Variants in MED12L observed in about 807,000 individuals in gnomAD.
MED12L encodes the protein mediator complex subunit 12L, also known as mediator of RNA polymerase II transcription subunit 12-like protein.
Under a neutral mutation model 281.3 loss-of-function variants are expected in MED12L, and 60 were observed. That is an observed-to-expected ratio of 0.21 (90% CI 0.17 to 0.26). MED12L has a LOEUF of 0.26. Ranked by LOEUF, MED12L falls within the 10% of genes least tolerant of loss-of-function variation. The pLI, the probability that MED12L is intolerant of heterozygous loss-of-function variation, is 1.00. For synonymous variants in MED12L, 974 were observed against 987.2 expected, an observed-to-expected ratio of 0.99 and a Z score of 0.25; for missense variants, 2,146 against 2,680.9, an observed-to-expected ratio of 0.80 and a Z score of 4.41.
In MED12L at chr3:151,368,780, A is replaced by G. The variant is rs576182011; in HGVS notation, c.3550+529A>G. On this transcript the variant is annotated intron_variant, in intron 25 of 44. Coordinates refer to ENST00000687756, the MANE Select transcript of MED12L (RefSeq NM_001393769.1). ...ATTTCATTTTTTTTTTTTTTTTTCC[A>G]AGACAAAGTCTTACTGTGTCACCCA... Among the ~76,000 whole-genome samples the G allele has an allele frequency of 2.4e-4, 33 of 134,884 alleles. No homozygotes were observed. In the East Asian group the frequency reaches 4.6e-3, roughly 19 times the overall value. The allele number at this position is 134,884 out of a possible 152,430, so 88.5% of individuals were successfully genotyped here.
At position 151,371,544 on chromosome 3, in the gene MED12L, TACTC is replaced by T. The variant is rs759221056; in HGVS notation, c.3665-1021_3665-1018del. Among the ~76,000 whole-genome samples the T allele has an allele frequency of 5.5e-4, 83 of 152,240 alleles. 1 individual carries two copies. Among genetic ancestry groups the T allele is most frequent in the Non-Finnish European group, 1.1e-3 (73 of 68,042 alleles). On this transcript the variant is annotated intron_variant, in intron 26 of 44. Transcript: ENST00000687756. ...CTCTGCTTAAGATTTTGTTAGTAAATACTCAGTAAGCCATTTTTTTCAGCAAAGT... is the reference window on the plus strand; with the variant it reads ...CTCTGCTTAAGATTTTGTTAGTAAATAGTAAGCCATTTTTTTCAGCAAAGT...
At chr3:151,204,038 C>A (rs1726021815) in intron 16 of MED12L, among the ~76,000 whole-genome samples, 1 of 152,160 alleles carries the variant, frequency 6.6e-6, no homozygotes. Flanking sequence ...GCAGAACTAA[C>A]TGAATGTTTG....
intron 16 of MED12L, among the ~76,000 whole-genome samples, chr3:151,317,304 T>C (rs1015464760): frequency 3.9e-5 from 6 of 152,018 alleles, no homozygotes; most frequent in African/African-American, 7.2e-5. Context: ...CAATGATAAG[T>C]ATTCAAAATA....
intron 19 of MED12L, 106 bp from the exon 20 acceptor site, chr3:151,357,107 G>A (rs1444871044): frequency 1.1e-6 from 1 of 934,384 alleles, no homozygotes; most frequent in African/African-American, 1.7e-5. Flanking sequence ...TTTAGGGAAT[G>A]TATTTGTAGT....
chr3:151,283,594 G>T (rs1429975109), intron 16 of MED12L, among the ~76,000 whole-genome samples: 2 of 152,142 alleles, frequency 1.3e-5, no homozygotes, highest in East Asian at 3.9e-4. Context: ...CTTCTGATGT[G>T]GCCTGTGTTT....
intron 2 of MED12L, among the ~76,000 whole-genome samples, chr3:151,090,201 C>A (rs549834360): frequency 1.4e-4 from 21 of 152,200 alleles, no homozygotes; most frequent in Admixed American, 1.1e-3. Context: ...GCCCCTTATT[C>A]TCCCTATACT....
chr3:151,141,244 G>A (rs1293221047), intron 5 of MED12L, among the ~76,000 whole-genome samples: 1 of 144,386 alleles, frequency 6.9e-6, no homozygotes, highest in Non-Finnish European at 1.5e-5. Flanking sequence ...GGCTGGTCTC[G>A]AAATCCTGAC....
At chr3:151,308,391 A>G (rs1432957288) in intron 16 of MED12L, among the ~76,000 whole-genome samples, 1 of 152,132 alleles carries the variant, frequency 6.6e-6, no homozygotes, top group Non-Finnish European at 1.5e-5. Flanking sequence ...TAAGCAAAGT[A>G]TAAATTCCAT....
intron 2 of MED12L, among the ~76,000 whole-genome samples, chr3:151,108,655 T>C (rs1265829135): frequency 2.6e-5 from 4 of 152,210 alleles, no homozygotes; most frequent in Non-Finnish European, 5.9e-5. Flanking sequence ...TTCTCATCCC[T>C]GGTGGACATT....
Position 151,165,912 on chromosome 3 carries a change from A to C in MED12L, c.1424A>C (p.Asp475Ala). 6.2e-7 allele frequency: 1 copy of C among 1,614,028 alleles called. No individual in the cohort carries two copies. Among genetic ancestry groups the C allele is most frequent in the Non-Finnish European group, 8.5e-7 (1 of 1,179,892 alleles). Reference protein sequence around the residue: ...VLDRHCFDRTDSSNSMETLYH... With the variant: ...VLDRHCFDRTASSNSMETLYH... Reference sequence around the variant, plus strand: ...GATCGTCACTGTTTTGACCGAACTGATTCCAGCAATTCCATGGAGACACTT... The same window carrying C: ...GATCGTCACTGTTTTGACCGAACTGCTTCCAGCAATTCCATGGAGACACTT... Residue 475 changes from aspartate to alanine, a missense_variant, in exon 11 of 45, where the codon GAT becomes GCT. Around this residue, in one of 9 missense-constraint regions of MED12L, gnomAD observed 722 missense variants for 861.2 expected, o/e 0.84. Coordinates refer to ENST00000687756, the MANE Select transcript of MED12L (RefSeq NM_001393769.1).
chr3:151,294,360 T>C, intron 16 of MED12L: 5 of 1,614,082 alleles, frequency 3.1e-6, no homozygotes, highest in Non-Finnish European at 4.2e-6. Flanking sequence ...GTAATTTCTT[T>C]GCAGTAATAT....
At chr3:151,090,587 TA>T (rs1490137506) in intron 2 of MED12L, among the ~76,000 whole-genome samples, 2 of 152,020 alleles carry the variant, frequency 1.3e-5, no homozygotes, top group African/African-American at 4.8e-5. Flanking sequence ...ATGAATAAAT[TA>T]AAAAGGGAAA....
chr3:151,323,283 C>T (rs1749202865), intron 16 of MED12L, among the ~76,000 whole-genome samples: 2 of 152,194 alleles, frequency 1.3e-5, no homozygotes, highest in South Asian at 4.1e-4. Flanking sequence ...GACCTGGCCT[C>T]ACTGGCTCTT....
At chr3:151,270,297 GCT>G (rs1384232731) in intron 16 of MED12L, among the ~76,000 whole-genome samples, 3 of 146,368 alleles carry the variant, frequency 2.0e-5, no homozygotes, top group Non-Finnish European at 4.5e-5. Flanking sequence ...CTACACCACA[GCT>G]CTCAACTTAT....
At chr3:151,273,022 T>G (rs1011880663) in intron 16 of MED12L, among the ~76,000 whole-genome samples, 4 of 152,070 alleles carry the variant, frequency 2.6e-5, no homozygotes, top group African/African-American at 4.8e-5. Context: ...GCATTTCAGA[T>G]TAGGGATTCT....
intron 11 of MED12L, among the ~76,000 whole-genome samples, chr3:151,180,507 TAAAA>T (rs1488771775): frequency 3.3e-5 from 5 of 152,228 alleles, no homozygotes; most frequent in Admixed American, 6.5e-5. Flanking sequence ...TATGGGCACT[TAAAA>T]AGAAAGCACA....
At chr3:151,187,852 A>G (rs6775269) in intron 12 of MED12L, among the ~76,000 whole-genome samples, 13,010 of 152,258 alleles carry the variant, frequency 0.085, 1,275 homozygotes, top group African/African-American at 0.23. Flanking sequence ...ATATGCCCCA[A>G]TATTTTCCAG....
intron 25 of MED12L, 116 bp downstream of exon 25, chr3:151,368,367 G>T: frequency 1.2e-6 from 1 of 807,950 alleles, no homozygotes; most frequent in Non-Finnish European, 2.1e-6. Flanking sequence ...GGCATGCCCT[G>T]GGGGTGATGA....
chr3:151,179,832 T>C (rs994077625), intron 11 of MED12L, among the ~76,000 whole-genome samples: 1 of 152,220 alleles, frequency 6.6e-6, no homozygotes, highest in African/African-American at 2.4e-5. Flanking sequence ...AAAATTTTCA[T>C]AGTTCCATTG....
Sources: gnomAD v4.1 joint callset for allele counts (sites outside exome capture counted in the v4.1 genomes callset) on GRCh38, gnomAD v4.1.1 for gene constraint, gnomAD v4.1.1 regional missense constraint, MANE v1.5 for transcripts, NCBI Gene and HGNC (gene_info 2026-07-23, HGNC 2026-07-21) for gene names.